Variants in SLC29A2 observed in about 807,000 individuals in gnomAD.
SLC29A2 encodes the protein equilibrative nucleoside transporter 2.
In SLC29A2, 37 loss-of-function variants were observed where a neutral mutation model predicts 48.8. The observed-to-expected ratio is 0.76, with a 90% CI of 0.58 to 1.00. The LOEUF is 1.00. SLC29A2 is among the 50% of genes least tolerant of loss of function. The pLI is 0.00. For missense variants in SLC29A2, 533 were observed against 578.6 expected (o/e 0.92, Z 0.81); for synonymous variants, 233 against 261.7 (o/e 0.89, Z 1.06).
At chr11:66,371,937 C>A, upstream of SLC29A2, 1 of 385,072 alleles carries the variant, frequency 2.6e-6, no homozygotes, top group Non-Finnish European at 4.7e-6. Context: ...GCCCCCCGTC[C>A]TCTCCGCGGG....
At chr11:66,368,739 C>G in intron 4 of SLC29A2, 68 bp from the exon 5 acceptor site, 1 of 1,552,090 alleles carries the variant, frequency 6.4e-7, no homozygotes, top group Non-Finnish European at 8.7e-7. Flanking sequence ...GGAGGAGGTG[C>G]CGGCAGGATA....
intron 10 of SLC29A2, among the ~76,000 whole-genome samples, chr11:66,365,015 C>T (rs1243386484): frequency 1.3e-5 from 2 of 151,914 alleles, no homozygotes; most frequent in Non-Finnish European, 2.9e-5. Context: ...GGTGCGATCT[C>T]GGCTCACTGC....
Position 66,368,549 on chromosome 11 carries a change from G to A in SLC29A2, c.538C>T (p.Leu180=), listed in dbSNP as rs748030176. ...AGIFAALAML[L]SMASGVDAET... The stretch of plus-strand genomic sequence containing the variant: ...CAAGTGCACTCACTGGCCATGGACA[G>A]GAGCATGGCAAGGGCAGCAAAGATC... The change falls in exon 5 of 12, where the codon CTG becomes TTG. Residue 180 remains leucine, a synonymous_variant. Transcript: ENST00000357440. The A allele has an allele frequency of 5.2e-5, 84 of 1,613,452 alleles. No individual in the cohort carries two copies. The highest frequency in any genetic ancestry group is 6.9e-5 in the Non-Finnish European group (81 of 1,179,956).
Position 66,362,850 on chromosome 11 carries a change from A to G in SLC29A2, c.*586T>C, listed in dbSNP as rs1855459868. 5.7e-6 allele frequency: 1 copy of G among 176,214 alleles called. No homozygotes were observed. Among genetic ancestry groups the G allele is most frequent in the South Asian group, 1.3e-4 (1 of 7,722 alleles). The allele number at this position is 176,214 out of a possible 1,614,324, so 10.9% of individuals were successfully genotyped here. On this transcript the variant is annotated 3_prime_UTR_variant, in exon 12 of 12. Transcript: ENST00000357440. ...GCAAACTGTAAAGTGCAGTACACAC[A>G]TGCAGGCTAGCTGTGGCCCTGGGGC...
In SLC29A2 at chr11:66,367,835, G is replaced by T. The variant is rs759122453; in HGVS notation, c.585C>A (p.Tyr195Ter). The change falls in exon 6 of 12, where the codon TAC (tyrosine) becomes TAA (stop). Residue 195 changes from tyrosine (Y) to a stop codon, truncating the protein, a stop_gained. Transcript: ENST00000357440. LOFTEE classifies it high-confidence loss of function. Reference protein sequence around the residue: ...GVDAETSALGYFITPCVGILM... With the variant: ...GVDAETSALG The stretch of plus-strand genomic sequence containing the variant: ...GGATGCCCACACAGGGCGTGATAAA[G>T]TACCCCAGGGCAGAGGTCTCGGCGT... 4.3e-6 allele frequency: 7 copies of T among 1,614,202 alleles called. No homozygotes were observed. Among genetic ancestry groups the T allele is most frequent in the Non-Finnish European group, 5.1e-6 (6 of 1,180,016 alleles).
intron 5 of SLC29A2, 39 bp downstream of exon 5, chr11:66,368,498 G>A (rs959581480): frequency 6.2e-7 from 1 of 1,612,624 alleles, no homozygotes; most frequent in East Asian, 2.2e-5. Context: ...CCAAACCTCA[G>A]AGGCCACCCC....
chr11:66,364,727 G>T, intron 10 of SLC29A2: 1 of 279,588 alleles, frequency 3.6e-6, no homozygotes, highest in South Asian at 4.5e-5. Flanking sequence ...GGCTGGTCTC[G>T]AACTTCTGAC....
chr11:66,364,694 G>A (rs1229580481), intron 10 of SLC29A2: 3 of 335,210 alleles, frequency 8.9e-6, no homozygotes, highest in Non-Finnish European at 1.7e-5. Flanking sequence ...TTTTAGTAGA[G>A]CCAGGTTTCA....
Position 66,368,679 on chromosome 11 carries a change from G to C in SLC29A2, c.416-8C>G. 2 of 1,591,972 alleles carry C rather than the reference G, an allele frequency of 1.3e-6. No individual in the cohort carries two copies. Among genetic ancestry groups the C allele is most frequent in the Non-Finnish European group, 1.7e-6 (2 of 1,169,436 alleles). On this transcript the variant is annotated splice_polypyrimidine_tract_variant and splice_region_variant and intron_variant, in intron 4 of 11. Transcript: ENST00000357440. Reference sequence around the variant, plus strand: ...GTAGGACTGCACTGAAGGCTGTGGAGGACAGGGATGGGGGCTGCTGCTCAA... The same window carrying C: ...GTAGGACTGCACTGAAGGCTGTGGACGACAGGGATGGGGGCTGCTGCTCAA...
chr11:66,367,868 A>G lies in SLC29A2; in HGVS notation c.552T>C (p.Ser184=). 6.2e-7 allele frequency: 1 copy of G among 1,612,608 alleles called. No individual in the cohort carries two copies. Among genetic ancestry groups the G allele is most frequent in the Admixed American group, 1.7e-5 (1 of 59,984 alleles). The change falls in exon 6 of 12, where the codon AGT becomes AGC. Residue 184 remains serine, a splice_region_variant and synonymous_variant. Transcript: ENST00000357440. The part of the protein sequence containing the change: ...AALAMLLSMA[S]GVDAETSALG... ...GGGCAGAGGTCTCGGCGTCCACGCC[A>G]CCTGCGGAGGAACTTCAGCTGCAGA... is the stretch of plus-strand genomic sequence containing the variant.
chr11:66,365,427 A>G (rs1396095650), intron 10 of SLC29A2, among the ~76,000 whole-genome samples: 1 of 152,124 alleles, frequency 6.6e-6, no homozygotes, highest in Non-Finnish European at 1.5e-5. Flanking sequence ...CCGCATCTAC[A>G]GTTTACGTAC....
intron 7 of SLC29A2, among the ~76,000 whole-genome samples, 166 bp from the exon 8 acceptor site, chr11:66,366,730 G>A (rs1460959050): frequency 6.6e-6 from 1 of 152,138 alleles, no homozygotes; most frequent in East Asian, 1.9e-4. Context: ...CGGGCATATT[G>A]CTTGAGCCCA....
chr11:66,365,822 GGTTGC>G, intron 10 of SLC29A2, 109 bp downstream of exon 10: 1 of 986,568 alleles, frequency 1.0e-6, no homozygotes, highest in Non-Finnish European at 1.6e-6. Flanking sequence ...CTTGGCCAGT[GGTTGC>G]ATTACCAGGC....
rs763930126 is a variant in SLC29A2, at chr11:66,367,499, T to A, written c.698A>T (p.Gln233Leu). 1.4e-5 allele frequency: 22 copies of A among 1,614,042 alleles called. No homozygotes were observed. Among genetic ancestry groups the A allele is most frequent in the Non-Finnish European group, 1.8e-5 (21 of 1,180,020 alleles). The change falls in exon 7 of 12, where the codon CAG (glutamine) becomes CTG (leucine). Residue 233 changes from glutamine to leucine, a missense_variant. Coordinates refer to ENST00000357440, the MANE Select transcript of SLC29A2 (RefSeq NM_001532.3). ...GAGCTCAGCTTTGGTCTCCAGCTCC[T>A]GAGCTTGGGCCTGGGATGATTTATT... The part of the protein sequence containing the change: ...LANKSSQAQA[Q>L]ELETKAELLQ...
At position 66,369,394 on chromosome 11, in the gene SLC29A2, G is replaced by T. The variant is rs1279851706; in HGVS notation, c.250C>A (p.Leu84Ile). 5.6e-6 allele frequency: 9 copies of T among 1,614,124 alleles called. No individual in the cohort carries two copies. The highest frequency in any genetic ancestry group is 7.6e-6 in the Non-Finnish European group (9 of 1,179,982). The change falls in exon 3 of 12, where the codon CTC (leucine) becomes ATC (isoleucine). Residue 84 changes from leucine (L) to isoleucine (I), a missense_variant. Coordinates refer to ENST00000357440, the MANE Select transcript of SLC29A2 (RefSeq NM_001532.3). ...CACTGGTACAGGAAGGAGTTGAGGA[G>T]GGTGAAGAGCAGCAGGGGCAGCTGG... is the stretch of plus-strand genomic sequence containing the variant. ...LSQLPLLLFT[L>I]LNSFLYQCVP...
At chr11:66,367,935 C>T (rs1281351454) in intron 5 of SLC29A2, 66 bp from the exon 6 acceptor site, 5 of 1,270,428 alleles carry the variant, frequency 3.9e-6, no homozygotes, top group Non-Finnish European at 5.7e-6. Context: ...GGGCTTCCAA[C>T]TCTTGTCCCA....
At chr11:66,372,169 G>C (rs72557994), upstream of SLC29A2, 3,918 of 152,486 alleles carry the variant, frequency 0.026, 91 homozygotes, top group East Asian at 0.12. Flanking sequence ...TCCCCGCCCA[G>C]AGCGTAACCC....
At chr11:66,365,295 A>T (rs1204085399) in intron 10 of SLC29A2, among the ~76,000 whole-genome samples, 1 of 152,060 alleles carries the variant, frequency 6.6e-6, no homozygotes, top group Non-Finnish European at 1.5e-5. Context: ...CTCTGACCTG[A>T]CCTACCTTGT....
intron 10 of SLC29A2, 170 bp from the exon 11 acceptor site, chr11:66,364,594 T>G: frequency 1.7e-6 from 1 of 581,468 alleles, no homozygotes; most frequent in Non-Finnish European, 3.0e-6. Context: ...AACCTCCACC[T>G]CCTGGGTTCA....
Sources: gnomAD v4.1 joint callset for allele counts (sites outside exome capture counted in the v4.1 genomes callset) on GRCh38, gnomAD v4.1.1 for gene constraint, MANE v1.5 for transcripts, NCBI Gene and HGNC (gene_info 2026-07-23, HGNC 2026-07-21) for gene names.